The following CELF2 variants were observed in gnomAD, a reference collection of about 807,000 sequenced individuals.
CELF2 encodes CUG triplet repeat RNA-binding protein 2.
Under a neutral mutation model 62.6 loss-of-function variants are expected in CELF2, and 8 were observed. The observed-to-expected ratio is 0.13, with a 90% confidence interval of 0.07 to 0.23. The LOEUF (loss-of-function observed/expected upper bound fraction) is 0.23. Among genes scored for constraint, CELF2 ranks in the 10% least tolerant of loss-of-function variants. The probability of loss-of-function intolerance (pLI) is 1.00; values close to 1 mark genes in which losing one functional copy is unlikely to be tolerated. For missense variants in CELF2, 333 were observed against 671.0 expected, an observed-to-expected ratio of 0.50 and a Z score of 5.56; for synonymous variants, 258 against 250.0, an observed-to-expected ratio of 1.03 and a Z score of -0.30.
At chr10:10,722,191 T>C in the CELF2 span, among the ~76,000 whole-genome samples, 1 of 151,920 alleles carries the variant, frequency 6.6e-6, no homozygotes, top group Non-Finnish European at 1.5e-5. Flanking sequence ...TAGTCCCAGC[T>C]ACTTGGAGGC....
intron 1 of CELF2, among the ~76,000 whole-genome samples, chr10:11,056,969 G>A (rs1032254273): frequency 2.6e-5 from 4 of 152,138 alleles, no homozygotes; most frequent in Admixed American, 6.5e-5. Flanking sequence ...CTGGGGGAGG[G>A]GTGAGTAAGA....
chr10:11,302,832 T>C lies in CELF2; in HGVS notation c.977-11307T>C, dbSNP rs1177339223. On this transcript the variant is annotated intron_variant, in intron 9 of 12. Transcript: ENST00000633077. The surrounding 1 kb of genome is among the most constrained non-coding windows in gnomAD (Gnocchi z 5.0). Reference sequence around the variant, plus strand: ...TCCGCTGTGCTGCGGACAGTGGAAGTTGGAGCCTTCACCAGAGTTCTGCCT... The same window carrying C: ...TCCGCTGTGCTGCGGACAGTGGAAGCTGGAGCCTTCACCAGAGTTCTGCCT... Among the ~76,000 whole-genome samples the C allele has an allele frequency of 6.6e-6, 1 of 152,220 alleles. No homozygotes were observed. The highest frequency in any genetic ancestry group is 1.5e-5 in the Non-Finnish European group (1 of 68,034).
chr10:10,777,698 C>T, the CELF2 span, among the ~76,000 whole-genome samples: 1 of 152,128 alleles, frequency 6.6e-6, no homozygotes, highest in East Asian at 1.9e-4. Context: ...TGATAATTTG[C>T]CCCTCTGCTG....
chr10:11,294,441 A>T lies in CELF2; in HGVS notation c.976+5889A>T, dbSNP rs78972012. Reference sequence around the variant, plus strand: ...CAGGGGACCAGTTATTCCTGGGAAGATGGGCTTAGCCTTTACCGTCCTCTT... The same window carrying T: ...CAGGGGACCAGTTATTCCTGGGAAGTTGGGCTTAGCCTTTACCGTCCTCTT... On this transcript the variant is annotated intron_variant, in intron 9 of 12. Coordinates refer to ENST00000633077, the MANE Select transcript of CELF2 (RefSeq NM_001326342.2). Among the ~76,000 whole-genome samples, 4 of 152,352 alleles carry T rather than the reference A, an allele frequency of 2.6e-5. No homozygotes were observed. The East Asian group carries it at 7.7e-4, about 29-fold the overall frequency.
the CELF2 span, among the ~76,000 whole-genome samples, chr10:10,488,879 C>T: frequency 6.6e-6 from 1 of 152,066 alleles, no homozygotes; most frequent in Non-Finnish European, 1.5e-5. Context: ...AGCTTGGGAT[C>T]AAAATCCTGA....
chr10:11,073,417 C>G (rs2070786670), intron 1 of CELF2, among the ~76,000 whole-genome samples: 1 of 152,142 alleles, frequency 6.6e-6, no homozygotes, highest in Non-Finnish European at 1.5e-5. Context: ...ATGGCAGTAG[C>G]AGCAGGGATT....
At chr10:10,925,891 C>T (rs1043062881) in intron 2 of CELF2, among the ~76,000 whole-genome samples, 3 of 152,180 alleles carry the variant, frequency 2.0e-5, no homozygotes, top group Non-Finnish European at 2.9e-5. Flanking sequence ...CCAGACTCTG[C>T]GATCACAGCT....
chr10:10,846,140 G>A, intron 1 of CELF2: 1 of 984,514 alleles, frequency 1.0e-6, no homozygotes, highest in Non-Finnish European at 1.2e-6. Flanking sequence ...CGATATTTGG[G>A]AACCTCGCTA....
chr10:11,231,690 CTTT>C (rs369230271), intron 3 of CELF2, among the ~76,000 whole-genome samples: 1 of 131,262 alleles, frequency 7.6e-6, no homozygotes, highest in Non-Finnish European at 1.7e-5. Context: ...TGGTTGCTTT[CTTT>C]TTTTTTTTTT....
the CELF2 span, among the ~76,000 whole-genome samples, chr10:10,614,650 G>T: frequency 6.6e-6 from 1 of 152,114 alleles, no homozygotes; most frequent in Non-Finnish European, 1.5e-5. Context: ...AAGGTGCTAG[G>T]CCTGTTGACA....
At chr10:10,662,947 G>A in the CELF2 span, among the ~76,000 whole-genome samples, 57 of 152,274 alleles carry the variant, frequency 3.7e-4, no homozygotes, top group African/African-American at 9.6e-4. Flanking sequence ...CAGCTTCTTG[G>A]TCTGAACTCC....
intron 2 of CELF2, among the ~76,000 whole-genome samples, chr10:11,208,100 G>A (rs1471206677): frequency 6.6e-6 from 1 of 152,154 alleles, no homozygotes; most frequent in Non-Finnish European, 1.5e-5. Context: ...TGCTGGGATG[G>A]TTTTGGCTTT....
rs544315232 is a variant in CELF2 at position 10,841,798 on chromosome 10, C to A, written c.53+42981C>A. 3.8e-4 allele frequency among the ~76,000 whole-genome samples: 58 copies of A among 152,162 alleles called. No homozygotes were observed. In the South Asian group the frequency reaches 5.8e-3, roughly 15 times the overall value. On this transcript the variant is annotated intron_variant, in intron 1 of 13. Transcript: ENST00000636488. ...AACTTTAGAATCAGTTTGCTGATAT[C>A]CACAAAATAACTTTGCTGATACCCA...
intron 8 of CELF2, among the ~76,000 whole-genome samples, chr10:11,283,567 G>A (rs1484030920): frequency 6.6e-6 from 1 of 150,848 alleles, no homozygotes; most frequent in Non-Finnish European, 1.5e-5. Flanking sequence ...TGGATGATGG[G>A]TGGGTGGGTA....
the CELF2 span, chr10:10,776,163 C>T: frequency 3.9e-5 from 6 of 153,132 alleles, no homozygotes; most frequent in African/African-American, 1.4e-4. Context: ...GCATGCCTTC[C>T]TTACAGGAAG....
At chr10:10,580,854 T>A in the CELF2 span, among the ~76,000 whole-genome samples, 41,419 of 152,070 alleles carry the variant, frequency 0.27, 5,823 homozygotes, top group South Asian at 0.41. Context: ...AATGGGTGAA[T>A]TGATCTCTTA....
chr10:10,680,231 G>T, the CELF2 span, among the ~76,000 whole-genome samples: 290 of 152,222 alleles, frequency 1.9e-3, 1 homozygote, highest in African/African-American at 6.7e-3. Context: ...GAGTTTGGGA[G>T]TCCCCAAGAC....
At chr10:10,591,737 A>T in the CELF2 span, among the ~76,000 whole-genome samples, 2 of 152,214 alleles carry the variant, frequency 1.3e-5, no homozygotes, top group African/African-American at 4.8e-5. Flanking sequence ...ATCTGTGGCA[A>T]TTCAGTTCCC....
At chr10:11,097,831 C>T (rs1564727380) in intron 1 of CELF2, among the ~76,000 whole-genome samples, 1 of 152,200 alleles carries the variant, frequency 6.6e-6, no homozygotes, top group African/African-American at 2.4e-5. Context: ...CCTTTGTCAC[C>T]ATCATCACCC....
Sources: allele counts gnomAD v4.1 joint callset (sites outside exome capture counted in the v4.1 genomes callset), GRCh38; gene constraint gnomAD v4.1.1; non-coding constraint Gnocchi (gnomAD v3.1); transcripts MANE v1.5; gene names NCBI Gene and HGNC (gene_info 2026-07-23, HGNC 2026-07-21).